The following MCTP1 variants were observed in gnomAD, a reference collection of about 807,000 sequenced individuals.
MCTP1 encodes multiple C2 and transmembrane domain containing 1.
A neutral mutation model predicts 120.6 loss-of-function variants in MCTP1; 69 were observed. That is an observed-to-expected ratio of 0.57 (90% CI 0.47 to 0.70). The LOEUF (loss-of-function observed/expected upper bound fraction) is 0.70, where lower values mean the gene tolerates loss of function less well. MCTP1 is among the 30% of genes least tolerant of loss of function. The pLI, the probability that MCTP1 is intolerant of heterozygous loss-of-function variation, is 0.00. For missense variants in MCTP1, 1,203 were observed against 1,248.8 expected (o/e 0.96, Z 0.55); for synonymous variants, 529 against 493.1 (o/e 1.07, Z -0.96).
intron 10 of MCTP1, among the ~76,000 whole-genome samples, chr5:94,898,770 C>A (rs1178435004): frequency 1.3e-5 from 2 of 152,076 alleles, no homozygotes; most frequent in African/African-American, 4.8e-5. Flanking sequence ...GAGAAAAGTC[C>A]CGGGTTTGGG....
chr5:95,065,260 C>A (rs1318592993), intron 1 of MCTP1, among the ~76,000 whole-genome samples: 1 of 151,554 alleles, frequency 6.6e-6, no homozygotes, highest in East Asian at 1.9e-4. Flanking sequence ...ATCATTAATT[C>A]TTTAAGGCCA....
chr5:95,232,762 GA>G (rs935404663), intron 1 of MCTP1, among the ~76,000 whole-genome samples: 2 of 151,904 alleles, frequency 1.3e-5, no homozygotes, highest in East Asian at 1.9e-4. Flanking sequence ...ATAAAATTAT[GA>G]AAAAAAGATG....
At chr5:94,729,500 T>C (rs10061737) in intron 19 of MCTP1, among the ~76,000 whole-genome samples, 38,241 of 152,036 alleles carry the variant, frequency 0.25, 5,181 homozygotes, top group Non-Finnish European at 0.29. Flanking sequence ...GAGAAGAGAA[T>C]TGTCCTGTTT....
At chr5:95,138,067 A>G (rs181311435) in intron 1 of MCTP1, among the ~76,000 whole-genome samples, 1 of 152,170 alleles carries the variant, frequency 6.6e-6, no homozygotes, top group East Asian at 1.9e-4. Context: ...TTTTTTTTCA[A>G]TAGGAAGTGT....
chr5:95,197,011 T>C (rs952295187), intron 1 of MCTP1, among the ~76,000 whole-genome samples: 14 of 152,218 alleles, frequency 9.2e-5, no homozygotes, highest in Admixed American at 2.6e-4. Flanking sequence ...GGTAAGGTTT[T>C]AATTACTGGC....
intron 17 of MCTP1, among the ~76,000 whole-genome samples, chr5:94,836,483 T>G (rs1056944790): frequency 6.6e-6 from 1 of 152,222 alleles, no homozygotes; most frequent in South Asian, 2.1e-4. Flanking sequence ...TTTCTTCACC[T>G]TCTTCAGTCT....
chr5:94,890,327 C>T (rs1487930928), intron 11 of MCTP1, among the ~76,000 whole-genome samples: 1 of 152,114 alleles, frequency 6.6e-6, no homozygotes, highest in Non-Finnish European at 1.5e-5. Flanking sequence ...TTAAATCTCA[C>T]ATTGTTGGAT....
chr5:94,811,524 G>A (rs960073628), intron 17 of MCTP1, among the ~76,000 whole-genome samples: 6 of 152,160 alleles, frequency 3.9e-5, no homozygotes, highest in Admixed American at 3.3e-4. Context: ...TTGTAGGCCA[G>A]CTCTAATGTA....
chr5:94,880,344 C>T lies in MCTP1; in HGVS notation c.1934-7103G>A, dbSNP rs12654916. Among the ~76,000 whole-genome samples the T allele has an allele frequency of 7.6e-4, 115 of 152,216 alleles. 1 individual carries two copies. The East Asian group carries it at 0.021, about 28-fold the overall frequency. Reference sequence around the variant, plus strand: ...TCAATTAGACCTTCCTGCAGAAAAGCATGAGGCTTCAGATAAGCTTTCCTA... The same window carrying T: ...TCAATTAGACCTTCCTGCAGAAAAGTATGAGGCTTCAGATAAGCTTTCCTA... On this transcript the variant is annotated intron_variant, in intron 12 of 22. Coordinates refer to ENST00000515393, the MANE Select transcript of MCTP1 (RefSeq NM_024717.7).
At chr5:94,929,781 T>A in intron 6 of MCTP1, 1 of 515,522 alleles carries the variant, frequency 1.9e-6, no homozygotes, top group Non-Finnish European at 2.5e-6. Flanking sequence ...CTTGTAACAC[T>A]AATATAGATG....
intron 10 of MCTP1, among the ~76,000 whole-genome samples, chr5:94,905,648 A>G (rs1806660880): frequency 6.6e-6 from 1 of 152,244 alleles, no homozygotes; most frequent in South Asian, 2.1e-4. Context: ...TTTTGGTGTT[A>G]GCAACAAACA....
intron 2 of MCTP1, among the ~76,000 whole-genome samples, chr5:94,957,373 A>G (rs1335361021): frequency 2.6e-5 from 4 of 152,214 alleles, no homozygotes; most frequent in African/African-American, 9.7e-5. Context: ...GGGCGAAATA[A>G]CCAGCTAGCA....
rs115706773 is a variant in MCTP1, at chr5:94,725,878, G to T, written c.2611-10992C>A. On this transcript the variant is annotated intron_variant, in intron 19 of 22. Coordinates refer to ENST00000515393, the MANE Select transcript of MCTP1 (RefSeq NM_024717.7). Reference sequence around the variant, plus strand: ...CATAAATATCTGGAACATAGGAAGTGCTTGGTAAATATTAGTCGTTAATAT... The same window carrying T: ...CATAAATATCTGGAACATAGGAAGTTCTTGGTAAATATTAGTCGTTAATAT... 4.2e-3 allele frequency among the ~76,000 whole-genome samples: 638 copies of T among 152,292 alleles called. 2 individuals are homozygous for T. The highest frequency in any genetic ancestry group is 0.015 in the African/African-American group (610 of 41,560).
chr5:95,055,200 A>G (rs1299492589), intron 1 of MCTP1, among the ~76,000 whole-genome samples: 2 of 152,200 alleles, frequency 1.3e-5, no homozygotes, highest in South Asian at 2.1e-4. Context: ...AAGTTTTCCA[A>G]TGGAGTGTTT....
chr5:94,955,400 A>G (rs1472602974), intron 2 of MCTP1, among the ~76,000 whole-genome samples: 2 of 152,122 alleles, frequency 1.3e-5, no homozygotes. Flanking sequence ...TGGTACCTGG[A>G]ATGCCAGTGA....
At chr5:95,133,939 C>A (rs1174338768) in intron 1 of MCTP1, among the ~76,000 whole-genome samples, 4 of 152,220 alleles carry the variant, frequency 2.6e-5, no homozygotes, top group Non-Finnish European at 5.9e-5. Flanking sequence ...ACTGTAAAAA[C>A]CCCAAATTTT....
rs749517998 is a variant in MCTP1 at position 94,870,988 on chromosome 5, C to T, written c.2140-15G>A. On this transcript the variant is annotated splice_polypyrimidine_tract_variant and intron_variant, in intron 14 of 22. Transcript: ENST00000515393. Reference sequence around the variant, plus strand: ...CCATTTTGAATCTGCGGGAAAAGGACATGACAGCCGTCTGTCTCGCGGTCT... The same window carrying T: ...CCATTTTGAATCTGCGGGAAAAGGATATGACAGCCGTCTGTCTCGCGGTCT... 1 of 1,603,576 alleles carries T rather than the reference C, an allele frequency of 6.2e-7. No homozygotes were observed. The highest frequency in any genetic ancestry group is 2.2e-5 in the East Asian group (1 of 44,752).
chr5:94,864,361 C>A (rs1181800776), intron 17 of MCTP1, among the ~76,000 whole-genome samples: 1 of 151,836 alleles, frequency 6.6e-6, no homozygotes, highest in Non-Finnish European at 1.5e-5. Context: ...TTTAGTTATT[C>A]TGTTAGGAAT....
At chr5:95,017,892 T>G (rs182482631) in intron 1 of MCTP1, among the ~76,000 whole-genome samples, 1 of 152,250 alleles carries the variant, frequency 6.6e-6, no homozygotes, top group Admixed American at 6.5e-5. Context: ...TTAAAATGAT[T>G]GATTCAGGTG....
Sources: gnomAD v4.1 joint callset for allele counts (sites outside exome capture counted in the v4.1 genomes callset) on GRCh38, gnomAD v4.1.1 for gene constraint, MANE v1.5 for transcripts, NCBI Gene and HGNC (gene_info 2026-07-23, HGNC 2026-07-21) for gene names.